RANBP9: variants seen among roughly 807,000 people sequenced by gnomAD.
RANBP9 encodes ran-binding protein 9.
A neutral mutation model predicts 84.3 loss-of-function variants in RANBP9; 15 were observed. The observed-to-expected ratio is 0.18, with a 90% CI of 0.12 to 0.27. The LOEUF (loss-of-function observed/expected upper bound fraction) is 0.27, where lower values mean the gene tolerates loss of function less well. RANBP9 is among the 10% of genes least tolerant of loss of function. The pLI is 1.00. For missense variants in RANBP9, 809 were observed against 912.8 expected (o/e 0.89, Z 1.46); for synonymous variants, 392 against 349.6 (o/e 1.12, Z -1.35).
intron 10 of RANBP9, among the ~76,000 whole-genome samples, chr6:13,635,651 G>A (rs941782551): frequency 3.3e-5 from 5 of 150,408 alleles, no homozygotes; most frequent in Non-Finnish European, 3.0e-5. Context: ...CTAGGGAAAA[G>A]GGGGATATGG....
At chr6:13,655,674 C>T (rs1351861218) in intron 4 of RANBP9, among the ~76,000 whole-genome samples, 2 of 152,060 alleles carry the variant, frequency 1.3e-5, no homozygotes, top group Non-Finnish European at 2.9e-5. Flanking sequence ...AATTTCTTCT[C>T]TGGAAAGTTT....
At chr6:13,696,719 A>G in intron 2 of RANBP9, 66 bp downstream of exon 2, 1 of 1,335,106 alleles carries the variant, frequency 7.5e-7, no homozygotes, top group African/African-American at 1.5e-5. Flanking sequence ...TTCCAATTAC[A>G]TCATAAACAT....
intron 5 of RANBP9, among the ~76,000 whole-genome samples, chr6:13,652,426 G>T (rs560388021): frequency 6.6e-6 from 1 of 152,310 alleles, no homozygotes; most frequent in South Asian, 2.1e-4. Context: ...AGACACTTGA[G>T]AATCAATTCT....
chr6:13,638,233 C>T (rs1325050094), intron 9 of RANBP9, among the ~76,000 whole-genome samples: 2 of 152,082 alleles, frequency 1.3e-5, no homozygotes, highest in Non-Finnish European at 2.9e-5. Context: ...CCCCATTTTA[C>T]ATATGAATAC....
At chr6:13,640,385 T>G (rs1310148200) in intron 8 of RANBP9, among the ~76,000 whole-genome samples, 1 of 152,198 alleles carries the variant, frequency 6.6e-6, no homozygotes, top group Non-Finnish European at 1.5e-5. Flanking sequence ...AATTACCATA[T>G]GATCCAGAAA....
At chr6:13,698,435 A>AT (rs565598606) in intron 1 of RANBP9, among the ~76,000 whole-genome samples, 30 of 152,322 alleles carry the variant, frequency 2.0e-4, no homozygotes, top group Admixed American at 5.2e-4. Context: ...AGTAAAACAC[A>AT]TTTTTCAGTC....
At chr6:13,710,815 G>C in intron 1 of RANBP9, 120 bp downstream of exon 1, 1 of 1,100,240 alleles carries the variant, frequency 9.1e-7, no homozygotes, top group East Asian at 2.9e-5. Context: ...CAGGCGGCGA[G>C]TGGCCTCCGA....
chr6:13,658,391 C>A (rs1054038757), intron 3 of RANBP9, among the ~76,000 whole-genome samples: 3 of 152,138 alleles, frequency 2.0e-5, no homozygotes, highest in African/African-American at 4.8e-5. Flanking sequence ...GGTGGATCAC[C>A]TGAGGTCAGG....
At chr6:13,706,205 G>T (rs1428456793) in intron 1 of RANBP9, among the ~76,000 whole-genome samples, 3 of 152,036 alleles carry the variant, frequency 2.0e-5, no homozygotes, top group Admixed American at 6.5e-5. Flanking sequence ...TTAGCCGGGC[G>T]TCGCGGCGGG....
At position 13,658,822 on chromosome 6, in the gene RANBP9, T is replaced by C. The variant is rs149909298; in HGVS notation, c.694A>G (p.Ile232Val). 5.1e-6 allele frequency: 8 copies of C among 1,575,754 alleles called. No homozygotes were observed. The highest frequency in any genetic ancestry group is 1.4e-5 in the African/African-American group (1 of 73,836). The change falls in exon 3 of 14, where the codon ATT becomes GTT. Residue 232 changes from isoleucine (I) to valine (V), a missense_variant. Coordinates refer to ENST00000011619, the MANE Select transcript of RANBP9 (RefSeq NM_005493.3). ...VSKGRDGYMG[I>V]GLSAQGVNMN... Reference sequence around the variant, plus strand: ...TTCACACCTTGAGCAGAAAGACCAATTCCCATGTAACTGTTGGCGGAGGTT... The same window carrying C: ...TTCACACCTTGAGCAGAAAGACCAACTCCCATGTAACTGTTGGCGGAGGTT...
chr6:13,702,023 C>T (rs1303850123), intron 1 of RANBP9, among the ~76,000 whole-genome samples: 1 of 152,184 alleles, frequency 6.6e-6, no homozygotes, highest in Non-Finnish European at 1.5e-5. Flanking sequence ...TCTCTCCTTC[C>T]CCTCAATCTG....
At chr6:13,650,687 CCA>C in intron 5 of RANBP9, among the ~76,000 whole-genome samples, 1 of 152,170 alleles carries the variant, frequency 6.6e-6, no homozygotes, top group African/African-American at 2.4e-5. Flanking sequence ...GAGATTAATC[CCA>C]GAGACATAAT....
At chr6:13,651,946 A>T (rs1456091018) in intron 5 of RANBP9, among the ~76,000 whole-genome samples, 10 of 151,998 alleles carry the variant, frequency 6.6e-5, no homozygotes. Flanking sequence ...ACTCTTCTTC[A>T]AACAAGCCAT....
chr6:13,707,405 G>A (rs1182933546), intron 1 of RANBP9, among the ~76,000 whole-genome samples: 1 of 152,106 alleles, frequency 6.6e-6, no homozygotes, highest in Non-Finnish European at 1.5e-5. Context: ...GTAAAATCAA[G>A]GTGTCTGGAC....
chr6:13,641,404 A>C, intron 7 of RANBP9, 97 bp from the exon 8 acceptor site: 2 of 692,856 alleles, frequency 2.9e-6, no homozygotes, highest in South Asian at 4.0e-5. Context: ...GAAATCTTTA[A>C]ATAAATTATG....
chr6:13,698,771 T>C (rs1757899230), intron 1 of RANBP9, among the ~76,000 whole-genome samples: 1 of 152,154 alleles, frequency 6.6e-6, no homozygotes. Flanking sequence ...AGTTGAGGAA[T>C]CCAAGGGAAG....
At chr6:13,635,997 CA>C (rs1764928836) in intron 10 of RANBP9, among the ~76,000 whole-genome samples, 1 of 152,028 alleles carries the variant, frequency 6.6e-6, no homozygotes, top group South Asian at 2.1e-4. Context: ...TAATTATGAT[CA>C]GTACTATGAT....
intron 2 of RANBP9, among the ~76,000 whole-genome samples, chr6:13,683,119 T>G (rs1250351929): frequency 1.3e-5 from 2 of 152,200 alleles, no homozygotes; most frequent in African/African-American, 4.8e-5. Context: ...CTGACAACAA[T>G]TACTTCTCAT....
rs1758295100 is a variant in RANBP9 at position 13,711,724 on chromosome 6, G to A, written c.-219C>T. On this transcript the variant is annotated 5_prime_UTR_variant, in exon 1 of 14. Transcript: ENST00000011619. ...GGGAGGCCGGGAGAGAACGTTGGCCGGAGCGCGGGCGCGCGGCCCGGGGAC... is the reference window on the plus strand; with the variant it reads ...GGGAGGCCGGGAGAGAACGTTGGCCAGAGCGCGGGCGCGCGGCCCGGGGAC... 2.0e-5 allele frequency among the ~76,000 whole-genome samples: 3 copies of A among 148,874 alleles called. No individual in the cohort carries two copies. In the South Asian group the frequency reaches 6.2e-4, roughly 31 times the overall value.
Sources: allele counts gnomAD v4.1 joint callset (sites outside exome capture counted in the v4.1 genomes callset), GRCh38; gene constraint gnomAD v4.1.1; transcripts MANE v1.5; gene names NCBI Gene and HGNC (gene_info 2026-07-23, HGNC 2026-07-21).